Variants in NCKAP5 observed in about 807,000 individuals in gnomAD.
The protein encoded by NCKAP5 is nck-associated protein 5.
A neutral mutation model predicts 167.0 loss-of-function variants in NCKAP5; 92 were observed. The ratio of observed to expected loss-of-function variants is 0.55; its 90% CI spans 0.47 to 0.66. The LOEUF (loss-of-function observed/expected upper bound fraction) is 0.66. Ranked by LOEUF, NCKAP5 falls within the 30% of genes least tolerant of loss-of-function variation. NCKAP5 has a pLI of 0.00. For missense variants in NCKAP5, 2,378 were observed against 2,315.0 expected (o/e 1.03, Z -0.56); for synonymous variants, 891 against 877.4 (o/e 1.02, Z -0.27).
intron 6 of NCKAP5, among the ~76,000 whole-genome samples, chr2:133,064,710 T>C (rs375696090): frequency 2.0e-5 from 3 of 152,190 alleles, no homozygotes; most frequent in Admixed American, 6.5e-5. Flanking sequence ...TAAGGAATAC[T>C]TAAGACAATG....
intron 8 of NCKAP5, among the ~76,000 whole-genome samples, chr2:132,902,664 C>A (rs1205069443): frequency 6.6e-6 from 1 of 152,208 alleles, no homozygotes; most frequent in Non-Finnish European, 1.5e-5. Context: ...AAGAGAAAGT[C>A]AGCAACTTAA....
At chr2:132,977,365 A>C (rs529354966) in intron 7 of NCKAP5, among the ~76,000 whole-genome samples, 1 of 152,338 alleles carries the variant, frequency 6.6e-6, no homozygotes, top group Admixed American at 6.5e-5. Flanking sequence ...ATTTGCACAG[A>C]AGATAAAAGC....
intron 5 of NCKAP5, among the ~76,000 whole-genome samples, chr2:133,206,027 G>A (rs1019523445): frequency 3.3e-5 from 5 of 151,982 alleles, no homozygotes; most frequent in Admixed American, 3.3e-4. Context: ...TTTTTGCCCA[G>A]CTCTTATACT....
intron 5 of NCKAP5, among the ~76,000 whole-genome samples, chr2:133,190,126 A>G (rs1335825596): frequency 1.3e-5 from 2 of 152,162 alleles, no homozygotes; most frequent in African/African-American, 2.4e-5. Flanking sequence ...CTTATACACC[A>G]ACAACAGACA....
At chr2:132,929,337 C>T (rs2149046336) in intron 8 of NCKAP5, among the ~76,000 whole-genome samples, 1 of 152,116 alleles carries the variant, frequency 6.6e-6, no homozygotes, top group East Asian at 1.9e-4. Context: ...AACACTATGA[C>T]TGTTTGATGC....
chr2:133,471,711 C>G (rs556034592), intron 3 of NCKAP5, among the ~76,000 whole-genome samples: 1 of 152,270 alleles, frequency 6.6e-6, no homozygotes, highest in African/African-American at 2.4e-5. Context: ...CTAAACTCCT[C>G]TTGCATGAAT....
At chr2:132,817,747 A>G (rs1686388770) in intron 11 of NCKAP5, among the ~76,000 whole-genome samples, 1 of 152,144 alleles carries the variant, frequency 6.6e-6, no homozygotes, top group African/African-American at 2.4e-5. Flanking sequence ...GAGGAGTAAC[A>G]AAGCCTCCAA....
At chr2:133,048,174 A>G (rs1263006126) in intron 6 of NCKAP5, among the ~76,000 whole-genome samples, 2 of 152,150 alleles carry the variant, frequency 1.3e-5, no homozygotes, top group Non-Finnish European at 2.9e-5. Flanking sequence ...TTGCCCTGTA[A>G]GCGTAGCAGT....
At chr2:133,111,391 C>G (rs1417998250) in intron 6 of NCKAP5, among the ~76,000 whole-genome samples, 1 of 152,226 alleles carries the variant, frequency 6.6e-6, no homozygotes. Flanking sequence ...GATCAGCCAA[C>G]AAGCACTACT....
At chr2:133,392,944 T>A (rs970671355) in intron 3 of NCKAP5, among the ~76,000 whole-genome samples, 10 of 152,174 alleles carry the variant, frequency 6.6e-5, no homozygotes, top group Admixed American at 5.2e-4. Flanking sequence ...TAGCTTCCTA[T>A]AATTTGATTG....
At chr2:133,495,996 T>C (rs1020872291) in intron 3 of NCKAP5, among the ~76,000 whole-genome samples, 1 of 152,156 alleles carries the variant, frequency 6.6e-6, no homozygotes. Context: ...TTCAAGGTTA[T>C]AAATTTTTTT....
chr2:133,434,004 C>T, intron 3 of NCKAP5: 1 of 152,036 alleles, frequency 6.6e-6, no homozygotes, highest in East Asian at 1.9e-4. Context: ...TCGTGTAGTC[C>T]AGTTAAGTTT....
chr2:133,123,604 T>C (rs2082315198), intron 6 of NCKAP5: 1 of 286,884 alleles, frequency 3.5e-6, no homozygotes, highest in African/African-American at 2.2e-5. Context: ...AAATAGCAAT[T>C]CCAAATCAAC....
At chr2:133,031,260 G>A (rs1317964396) in intron 6 of NCKAP5, among the ~76,000 whole-genome samples, 2 of 151,098 alleles carry the variant, frequency 1.3e-5, no homozygotes, top group African/African-American at 4.9e-5. Context: ...AGCAGCAGCA[G>A]AGGCATGGTG....
intron 7 of NCKAP5, among the ~76,000 whole-genome samples, chr2:132,990,098 G>A (rs564105914): frequency 6.6e-6 from 1 of 152,212 alleles, no homozygotes; most frequent in Admixed American, 6.5e-5. Flanking sequence ...GGCAGGCCGT[G>A]GAACTCATGA....
intron 3 of NCKAP5, among the ~76,000 whole-genome samples, chr2:133,501,086 G>A (rs951898977): frequency 3.9e-5 from 6 of 152,174 alleles, no homozygotes; most frequent in Admixed American, 6.5e-5. Context: ...GCTGGGCTCC[G>A]TCCTTTGATT....
intron 11 of NCKAP5, among the ~76,000 whole-genome samples, chr2:132,819,576 G>A (rs962186519): frequency 6.6e-6 from 1 of 152,180 alleles, no homozygotes; most frequent in African/African-American, 2.4e-5. Flanking sequence ...TCAATACACG[G>A]TCATAAAGCA....
intron 5 of NCKAP5, among the ~76,000 whole-genome samples, chr2:133,132,847 T>A (rs796787255): frequency 3.9e-5 from 6 of 151,952 alleles, no homozygotes; most frequent in African/African-American, 1.4e-4. Flanking sequence ...CGGCTAATTT[T>A]TTGTATTTTT....
At chr2:132,971,480 T>C (rs2076831663) in intron 7 of NCKAP5, among the ~76,000 whole-genome samples, 1 of 152,170 alleles carries the variant, frequency 6.6e-6, no homozygotes, top group South Asian at 2.1e-4. Flanking sequence ...CCACTGACTA[T>C]TTTCAAGTAT....
Sources: gnomAD v4.1 joint callset for allele counts (sites outside exome capture counted in the v4.1 genomes callset) on GRCh38, gnomAD v4.1.1 for gene constraint, MANE v1.5 for transcripts, NCBI Gene and HGNC (gene_info 2026-07-23, HGNC 2026-07-21) for gene names.